Variants in BRF1 observed in about 807,000 individuals in gnomAD.
BRF1 encodes the protein transcription factor IIIB 90 kDa subunit.
BRF1 carries 59 observed loss-of-function variants against 81.7 expected under a neutral mutation model. The ratio of observed to expected loss-of-function variants is 0.72; its 90% CI spans 0.59 to 0.90. The LOEUF is 0.90. BRF1 is among the 40% of genes least tolerant of loss of function. The pLI is 0.00. For missense variants in BRF1, 1,050 were observed against 936.3 expected (o/e 1.12, Z -1.58); for synonymous variants, 491 against 395.6 (o/e 1.24, Z -2.86).
chr14:105,293,745 C>T (rs914407604), intron 1 of BRF1, among the ~76,000 whole-genome samples: 2 of 152,222 alleles, frequency 1.3e-5, no homozygotes, highest in Admixed American at 1.3e-4. Context: ...TGCCCCGGGA[C>T]GCTGGAGCAC....
chr14:105,314,994 G>A (rs2058504376), intron 1 of BRF1: 2 of 1,250,784 alleles, frequency 1.6e-6, no homozygotes, highest in Non-Finnish European at 2.0e-6. Flanking sequence ...GAACCTGTTC[G>A]CCACCTGGGA....
intron 5 of BRF1, among the ~76,000 whole-genome samples, chr14:105,251,552 A>G (rs1197311519): frequency 6.6e-6 from 1 of 152,138 alleles, no homozygotes; most frequent in Non-Finnish European, 1.5e-5. Context: ...TGACCCCCGA[A>G]AAGAGGGATG....
At chr14:105,243,648 G>A (rs2054876544) in intron 5 of BRF1, among the ~76,000 whole-genome samples, 1 of 151,806 alleles carries the variant, frequency 6.6e-6, no homozygotes, top group South Asian at 2.1e-4. Context: ...ATGTGGGTGA[G>A]ACTTTGATGC....
At chr14:105,296,826 T>C (rs1027471918) in intron 1 of BRF1, among the ~76,000 whole-genome samples, 55 of 151,970 alleles carry the variant, frequency 3.6e-4, no homozygotes, top group Non-Finnish European at 1.0e-4. Context: ...ATTCCACTTA[T>C]AATAACTCCT....
Position 105,300,773 on chromosome 14 carries a change from C to T in BRF1, c.-144G>A, listed in dbSNP as rs905221592. ...GGCCCCGCTCCAGCCGATTCGCAGC[C>T]GCAGATTCGCCGCGCGCGCCCGGGC... is the stretch of plus-strand genomic sequence containing the variant. On this transcript the variant is annotated 5_prime_UTR_variant, in exon 1 of 18. Transcript: ENST00000547530. 3.5e-6 allele frequency: 2 copies of T among 569,854 alleles called. No homozygotes were observed. The highest frequency in any genetic ancestry group is 5.4e-5 in the East Asian group (1 of 18,676). The allele number at this position is 569,854 out of a possible 1,614,324, so 35.3% of individuals were successfully genotyped here.
In BRF1 at chr14:105,217,624, G is replaced by A. The variant is rs762864561; in HGVS notation, c.1692C>T (p.Ser564=). 14 of 1,613,240 alleles carry A rather than the reference G, an allele frequency of 8.7e-6. No homozygotes were observed. Among genetic ancestry groups the A allele is most frequent in the South Asian group, 7.7e-5 (7 of 91,090 alleles). ...PHREDAQPEH[S]ASARKLSRRR... is the part of the protein sequence containing the mutation. ...TTCGTGACAGCTTCCTGGCACTGGC[G>A]CTATGCTCGGGCTGTGCATCCTCCC... is the stretch of plus-strand genomic sequence containing the variant. Residue 564 remains serine, a synonymous_variant, in exon 15 of 18, where the codon AGC becomes AGT. Transcript: ENST00000547530.
chr14:105,268,615 TGA>T (rs1043448256), intron 3 of BRF1, among the ~76,000 whole-genome samples: 3 of 152,234 alleles, frequency 2.0e-5, no homozygotes, highest in Non-Finnish European at 2.9e-5. Flanking sequence ...TTGTTCCTTC[TGA>T]GAGAGGATTT....
upstream of BRF1, among the ~76,000 whole-genome samples, chr14:105,303,841 C>T (rs184118445): frequency 2.3e-4 from 35 of 152,286 alleles, no homozygotes; most frequent in Middle Eastern, 0.01. Context: ...GACATTTCAT[C>T]CTTATGGCAA....
At chr14:105,249,113 C>A in intron 5 of BRF1, 1 of 1,503,128 alleles carries the variant, frequency 6.7e-7, no homozygotes, top group Non-Finnish European at 8.8e-7. Context: ...GGCCCCCGCG[C>A]CCGCGCGCGC....
intron 11 of BRF1, 153 bp downstream of exon 11, chr14:105,221,495 G>T (rs1164417536): frequency 1.8e-6 from 2 of 1,096,120 alleles, no homozygotes; most frequent in African/African-American, 1.6e-5. Flanking sequence ...AGCCCCATTG[G>T]GGGGACTGGT....
chr14:105,247,732 G>C lies in BRF1; in HGVS notation c.544+4775C>G, dbSNP rs771299023. On this transcript the variant is annotated intron_variant, in intron 5 of 17. Transcript: ENST00000547530. ...AAAGCCTGGCGGTCCAGGAGGTTGCGTGTGTGTCCTCGGGGAGGAACCCTC... is the reference window on the plus strand; with the variant it reads ...AAAGCCTGGCGGTCCAGGAGGTTGCCTGTGTGTCCTCGGGGAGGAACCCTC... 1,161 of 985,388 alleles carry C rather than the reference G, an allele frequency of 1.2e-3. 1 individual carries two copies. Among genetic ancestry groups the C allele is most frequent in the Non-Finnish European group, 1.3e-3 (1,095 of 829,962 alleles). The allele number at this position is 985,388 out of a possible 1,614,324, so 61.0% of individuals were successfully genotyped here. A position where few individuals can be genotyped will look rare whatever the true frequency, so the allele number is the denominator to read the frequency against.
In BRF1 at chr14:105,309,935, G is replaced by A. The variant is rs930730149; in HGVS notation, c.-162+5387C>T. Reference sequence around the variant, plus strand: ...CGACTAGCTGGGACTACAGGCGCCCGCCACCACACCCGACTAATTTTTGTA... The same window carrying A: ...CGACTAGCTGGGACTACAGGCGCCCACCACCACACCCGACTAATTTTTGTA... On this transcript the variant is annotated intron_variant, in intron 1 of 17. Coordinates refer to the BRF1 transcript ENST00000327359. This position sits in a 1 kb window ranked among gnomAD's most constrained non-coding sequence, Gnocchi z 4.0. Among the ~76,000 whole-genome samples, 6 of 151,524 alleles carry A rather than the reference G, an allele frequency of 4.0e-5. No homozygotes were observed. Among genetic ancestry groups the A allele is most frequent in the Non-Finnish European group, 8.8e-5 (6 of 67,888 alleles).
chr14:105,278,285 G>A (rs1595449798), intron 2 of BRF1, among the ~76,000 whole-genome samples: 1 of 151,914 alleles, frequency 6.6e-6, no homozygotes, highest in East Asian at 1.9e-4. Context: ...AGATCCAACT[G>A]CTAAAATAAT....
chr14:105,229,026 A>T (rs587606393), intron 6 of BRF1, 113 bp from the exon 7 acceptor site: 1 of 958,658 alleles, frequency 1.0e-6, no homozygotes, highest in African/African-American at 1.6e-5. Flanking sequence ...GCCTGAGAAG[A>T]CGTGTCTGTG....
chr14:105,295,799 C>T (rs1037033839), intron 1 of BRF1, among the ~76,000 whole-genome samples: 12 of 147,616 alleles, frequency 8.1e-5, no homozygotes, highest in African/African-American at 3.0e-4. Flanking sequence ...AAAAAAAAAG[C>T]TGGGTGCGGT....
At chr14:105,241,707 A>T (rs2054664180) in intron 5 of BRF1, 1 of 468,368 alleles carries the variant, frequency 2.1e-6, no homozygotes, top group African/African-American at 2.0e-5. Flanking sequence ...AGAGGGGCGC[A>T]CACCCAGCAG....
At chr14:105,229,565 G>C (rs893977703) in intron 6 of BRF1, among the ~76,000 whole-genome samples, 3 of 152,230 alleles carry the variant, frequency 2.0e-5, no homozygotes, top group Admixed American at 1.3e-4. Flanking sequence ...CAGCACCAAG[G>C]GCAAAGTGAG....
intron 3 of BRF1, among the ~76,000 whole-genome samples, chr14:105,258,472 G>A (rs1317563189): frequency 6.8e-6 from 1 of 146,968 alleles, no homozygotes; most frequent in Non-Finnish European, 1.5e-5. Context: ...CTGGGCGACA[G>A]AGCGAGACTC....
intron 14 of BRF1, 77 bp downstream of exon 14, chr14:105,218,921 G>A: frequency 6.3e-7 from 1 of 1,594,178 alleles, no homozygotes; most frequent in Non-Finnish European, 8.6e-7. Context: ...ACATGGGGAA[G>A]GGACATTCCA....
Sources: allele counts gnomAD v4.1 joint callset (sites outside exome capture counted in the v4.1 genomes callset), GRCh38; gene constraint gnomAD v4.1.1; non-coding constraint Gnocchi (gnomAD v3.1); transcripts MANE v1.5; gene names NCBI Gene and HGNC (gene_info 2026-07-23, HGNC 2026-07-21).